Variants in PTPN13 observed in about 807,000 individuals in gnomAD.
PTPN13 encodes the protein protein tyrosine phosphatase non-receptor type 13.
Under a neutral mutation model 284.0 loss-of-function variants are expected in PTPN13, and 191 were observed. That is an observed-to-expected ratio of 0.67 (90% CI 0.60 to 0.76). The LOEUF (loss-of-function observed/expected upper bound fraction) is 0.76, where lower values mean the gene tolerates loss of function less well. Among genes scored for constraint, PTPN13 ranks in the 30% least tolerant of loss-of-function variants. The pLI, the probability that PTPN13 is intolerant of heterozygous loss-of-function variation, is 0.00. For missense variants in PTPN13, 2,797 were observed against 2,939.9 expected, an observed-to-expected ratio of 0.95 and a Z score of 1.12; for synonymous variants, 986 against 1,022.3, an observed-to-expected ratio of 0.96 and a Z score of 0.68.
In PTPN13 at chr4:86,764,607, A is replaced by G. The variant is rs966221045; in HGVS notation, c.4032A>G (p.Ser1344=). ...HQTPKQESSS[S]VNTSNKMNFK... ...TCTTTGTTAAGGAATCTTCCTCTTC[A>G]GTGAATACATCCAACAAGATGAATT... The change falls in exon 25 of 48, where the codon TCA becomes TCG. Residue 1344 remains serine (S), a synonymous_variant. Transcript: ENST00000411767. 3.3e-6 allele frequency: 5 copies of G among 1,517,118 alleles called. No individual in the cohort carries two copies. Among genetic ancestry groups the G allele is most frequent in the Non-Finnish European group, 4.4e-6 (5 of 1,130,210 alleles). The allele number at this position is 1,517,118 out of a possible 1,614,324, so 94.0% of individuals were successfully genotyped here.
chr4:86,627,842 T>A (rs1024175042), intron 1 of PTPN13, among the ~76,000 whole-genome samples: 21 of 152,202 alleles, frequency 1.4e-4, no homozygotes, highest in Admixed American at 9.2e-4. Context: ...CTTGCTTTCT[T>A]CATTTAGCAT....
At position 86,701,660 on chromosome 4, in the gene PTPN13, G is replaced by T. The variant is rs1275555447; in HGVS notation, c.1054G>T (p.Asp352Tyr). ...ATACTCAGATGGAAGTATAGCCTTG[G>T]ATATCTTTGGCCCTCAGAAAATGGA... Reference protein sequence around the residue: ...ARYSDGSIALDIFGPQKMDPI... With the variant: ...ARYSDGSIALYIFGPQKMDPI... Residue 352 changes from aspartate (D) to tyrosine (Y), a missense_variant, in exon 7 of 48, where the codon GAT becomes TAT. Coordinates refer to ENST00000411767, the MANE Select transcript of PTPN13 (RefSeq NM_080683.3). 6.2e-6 allele frequency: 10 copies of T among 1,613,738 alleles called. No individual in the cohort carries two copies. The highest frequency in any genetic ancestry group is 8.5e-6 in the Non-Finnish European group (10 of 1,179,846).
intron 2 of PTPN13, among the ~76,000 whole-genome samples, chr4:86,659,412 T>TG (rs1195483047): frequency 2.0e-5 from 3 of 152,210 alleles, no homozygotes; most frequent in Admixed American, 6.5e-5. Flanking sequence ...ATACCTAAGT[T>TG]GTTACAAGCA....
intron 7 of PTPN13, among the ~76,000 whole-genome samples, chr4:86,713,077 C>T (rs71605611): frequency 0.045 from 6,886 of 152,066 alleles, 198 homozygotes; most frequent in Non-Finnish European, 0.061. Flanking sequence ...GAAATTGTAA[C>T]AAGGCATAAC....
In PTPN13 at chr4:86,732,429, G is replaced by A; in HGVS notation, c.1638G>A (p.Met546Ile). 6.2e-7 allele frequency: 1 copy of A among 1,600,328 alleles called. No individual in the cohort carries two copies. The highest frequency in any genetic ancestry group is 8.5e-7 in the Non-Finnish European group (1 of 1,172,316). ...TCTTTGGCCCTGAGTTTGTGAAAAT[G>A]ACAATTGAACCATTTATATCTTTGG... ...RNFFGPEFVK[M>I]TIEPFISLDL... Residue 546 changes from methionine (M) to isoleucine (I), a missense_variant, in exon 11 of 48, where the codon ATG becomes ATA. Met to Ile is a conservative substitution (Grantham distance 10, BLOSUM62 1). Coordinates refer to ENST00000411767, the MANE Select transcript of PTPN13 (RefSeq NM_080683.3).
chr4:86,806,371 A>C (rs1744664466), intron 44 of PTPN13, among the ~76,000 whole-genome samples: 1 of 152,280 alleles, frequency 6.6e-6, no homozygotes, highest in African/African-American at 2.4e-5. Context: ...TTTACCAAGA[A>C]ACCATAAATC....
chr4:86,802,030 A>T (rs574138296), intron 42 of PTPN13, among the ~76,000 whole-genome samples: 90 of 152,216 alleles, frequency 5.9e-4, no homozygotes, highest in African/African-American at 1.7e-3. Context: ...CTGTTTTTTT[A>T]AAATAATTTG....
chr4:86,671,317 A>G (rs879891308), intron 2 of PTPN13, among the ~76,000 whole-genome samples: 7 of 152,144 alleles, frequency 4.6e-5, no homozygotes, highest in Non-Finnish European at 8.8e-5. Flanking sequence ...ACTTCTGTCA[A>G]TGTCTTATCA....
In PTPN13 at chr4:86,717,482, A is replaced by G. The variant is rs1037766735; in HGVS notation, c.1385+365A>G. 2.6e-5 allele frequency among the ~76,000 whole-genome samples: 4 copies of G among 151,776 alleles called. No homozygotes were observed. The East Asian group carries it at 5.8e-4, about 22-fold the overall frequency. On this transcript the variant is annotated intron_variant, in intron 9 of 47. Coordinates refer to ENST00000411767, the MANE Select transcript of PTPN13 (RefSeq NM_080683.3). ...GGGATTACAGGTGTGAATCAAGTAG[A>G]ATTTGTTTTTTTACTATCCTTTTTC...
chr4:86,770,368 A>T (rs1188530263), intron 30 of PTPN13, among the ~76,000 whole-genome samples, 169 bp downstream of exon 30: 1 of 152,150 alleles, frequency 6.6e-6, no homozygotes, highest in African/African-American at 2.4e-5. Flanking sequence ...AATGTATTCC[A>T]TATTTATATA....
chr4:86,785,584 T>C (rs1741806060), intron 39 of PTPN13, among the ~76,000 whole-genome samples: 1 of 152,148 alleles, frequency 6.6e-6, no homozygotes, highest in Admixed American at 6.5e-5. Flanking sequence ...AAATGTATCA[T>C]TTATATCATG....
At chr4:86,725,883 A>T (rs1734193306) in intron 10 of PTPN13, among the ~76,000 whole-genome samples, 1 of 149,594 alleles carries the variant, frequency 6.7e-6, no homozygotes, top group South Asian at 2.1e-4. Context: ...TTAGTCATGA[A>T]GTCCTTACCC....
At chr4:86,751,430 C>G (rs916041138) in intron 19 of PTPN13, among the ~76,000 whole-genome samples, 4 of 152,058 alleles carry the variant, frequency 2.6e-5, no homozygotes, top group African/African-American at 9.7e-5. Context: ...CAAGTGATCC[C>G]CCCACCTCAG....
intron 26 of PTPN13, among the ~76,000 whole-genome samples, chr4:86,765,972 C>T (rs569022422): frequency 1.3e-5 from 2 of 152,148 alleles, no homozygotes; most frequent in East Asian, 1.9e-4. Flanking sequence ...GGACTACAGG[C>T]GCCCACCACC....
intron 2 of PTPN13, among the ~76,000 whole-genome samples, chr4:86,649,977 C>A (rs150397552): frequency 1.6e-3 from 241 of 152,138 alleles, no homozygotes; most frequent in African/African-American, 5.7e-3. Flanking sequence ...AACTTATTTT[C>A]ATCACTGTTT....
intron 17 of PTPN13, among the ~76,000 whole-genome samples, chr4:86,747,341 T>G (rs916975358): frequency 1.3e-5 from 2 of 152,194 alleles, no homozygotes; most frequent in African/African-American, 4.8e-5. Context: ...AATACCTATA[T>G]CAGAAAGTTG....
chr4:86,682,292 A>G (rs948716930), intron 3 of PTPN13, among the ~76,000 whole-genome samples: 1 of 152,134 alleles, frequency 6.6e-6, no homozygotes, highest in East Asian at 1.9e-4. Flanking sequence ...CTGCTATACT[A>G]CTATACTAAG....
intron 1 of PTPN13, among the ~76,000 whole-genome samples, chr4:86,604,555 A>G (rs1764586861): frequency 6.6e-6 from 1 of 152,024 alleles, no homozygotes; most frequent in Non-Finnish European, 1.5e-5. Flanking sequence ...GTAGCTACAT[A>G]TAAGCTACTT....
intron 5 of PTPN13, chr4:86,690,449 GACTATATTACTA>G (rs1729902423): frequency 6.6e-6 from 1 of 151,920 alleles, no homozygotes; most frequent in African/African-American, 2.4e-5. Context: ...TAATATACTA[GACTATATTACTA>G]ACCTTCAAGA....
Sources: allele counts gnomAD v4.1 joint callset (sites outside exome capture counted in the v4.1 genomes callset), GRCh38; gene constraint gnomAD v4.1.1; transcripts MANE v1.5; gene names NCBI Gene and HGNC (gene_info 2026-07-23, HGNC 2026-07-21).